The following TTC38 variants were observed in gnomAD, a reference collection of about 807,000 sequenced individuals.
The protein encoded by TTC38 is tetratricopeptide repeat domain 38.
A neutral mutation model predicts 64.2 loss-of-function variants in TTC38; 64 were observed. The ratio of observed to expected loss-of-function variants is 1.00; its 90% CI spans 0.81 to 1.23. The LOEUF is 1.23. TTC38 is among the 50% of genes most tolerant of loss of function. The pLI is 0.00. For missense variants in TTC38, 573 were observed against 615.5 expected (o/e 0.93, Z 0.73); for synonymous variants, 254 against 249.3 (o/e 1.02, Z -0.18).
rs995574451 is a variant in TTC38 at position 46,268,546 on chromosome 22, C to G, written c.66C>G (p.Thr22=). 9 of 1,614,124 alleles carry G rather than the reference C, an allele frequency of 5.6e-6. No individual in the cohort carries two copies. Among genetic ancestry groups the G allele is most frequent in the Middle Eastern group, 1.6e-4 (1 of 6,062 alleles). ...AWKDARLPLS[T]TSNEACKLFD... ...AGGATGCGAGGCTCCCGCTCTCCAC[C>G]ACAAGCAACGAAGCCTGCAAGCTGT... is the stretch of plus-strand genomic sequence containing the variant. The change falls in exon 2 of 14, where the codon ACC becomes ACG. Residue 22 remains threonine (T), a synonymous_variant. Coordinates refer to ENST00000381031, the MANE Select transcript of TTC38 (RefSeq NM_017931.4).
intron 13 of TTC38, among the ~76,000 whole-genome samples, chr22:46,290,720 G>A (rs2077609655): frequency 6.6e-6 from 1 of 152,130 alleles, no homozygotes; most frequent in Non-Finnish European, 1.5e-5. Context: ...TGGCATAGCT[G>A]GCAGATGAGA....
chr22:46,283,606 C>A (rs2077550070), intron 7 of TTC38, among the ~76,000 whole-genome samples: 1 of 152,074 alleles, frequency 6.6e-6, no homozygotes, highest in South Asian at 2.1e-4. Context: ...AATCCCAGCA[C>A]TTTGGGAGGC....
rs1274184451 is a variant in TTC38 at position 46,270,694 on chromosome 22, G to A, written c.112-1641G>A. The stretch of plus-strand genomic sequence containing the variant: ...CTAAAAATATAAAAAAATTAGCCGG[G>A]CATGGTGGCATGGGCCTGTAATCCC... On this transcript the variant is annotated intron_variant, in intron 2 of 13. Coordinates refer to ENST00000381031, the MANE Select transcript of TTC38 (RefSeq NM_017931.4). This position sits in a 1 kb window ranked among gnomAD's most constrained non-coding sequence, Gnocchi z 4.7. 1.3e-5 allele frequency among the ~76,000 whole-genome samples: 2 copies of A among 152,134 alleles called. No homozygotes were observed. Among genetic ancestry groups the A allele is most frequent in the African/African-American group, 2.4e-5 (1 of 41,416 alleles).
At chr22:46,286,347 G>A (rs868785686) in intron 9 of TTC38, among the ~76,000 whole-genome samples, 1 of 152,014 alleles carries the variant, frequency 6.6e-6, no homozygotes, top group Non-Finnish European at 1.5e-5. Context: ...CTTTCTACAC[G>A]GTCAGGAAGC....
chr22:46,268,101 C>T (rs1235881349), intron 1 of TTC38, 29 bp downstream of exon 1: 1 of 1,531,600 alleles, frequency 6.5e-7, no homozygotes. Context: ...CAACCAGGTC[C>T]CCCTCGGGCC....
rs1024423920 is a variant in TTC38 at position 46,273,256 on chromosome 22, C to T, written c.194-642C>T. Among the ~76,000 whole-genome samples, 5 of 152,148 alleles carry T rather than the reference C, an allele frequency of 3.3e-5. No individual in the cohort carries two copies. Among genetic ancestry groups the T allele is most frequent in the African/African-American group, 4.8e-5 (2 of 41,436 alleles). On this transcript the variant is annotated intron_variant, in intron 3 of 13. Coordinates refer to ENST00000381031, the MANE Select transcript of TTC38 (RefSeq NM_017931.4). The surrounding 1 kb of genome is among the most constrained non-coding windows in gnomAD (Gnocchi z 5.1). ...GCTGGGCTGGGCTGGGCTCGACCAT[C>T]GGAATCACCAGCTGTTTTCCAGGGT...
rs184863393 is a variant in TTC38 at position 46,285,975 on chromosome 22, A to G, written c.834+696A>G. ...GGTTACAGTGAGCCAAGATCACGCT[A>G]CTGCACTCCAGCCTGGGTGACAGAG... On this transcript the variant is annotated intron_variant, in intron 9 of 13. Transcript: ENST00000381031. Among the ~76,000 whole-genome samples the G allele has an allele frequency of 5.1e-3, 722 of 141,712 alleles. 7 individuals are homozygous for G. Among genetic ancestry groups the G allele is most frequent in the South Asian group, 5.4e-3 (25 of 4,636 alleles). The allele number at this position is 141,712 out of a possible 152,430, so 93.0% of individuals were successfully genotyped here.
chr22:46,291,061 G>A lies in TTC38; in HGVS notation c.1316+1162G>A, dbSNP rs934502053. On this transcript the variant is annotated intron_variant, in intron 13 of 13. Coordinates refer to ENST00000381031, the MANE Select transcript of TTC38 (RefSeq NM_017931.4). The surrounding 1 kb of genome is among the most constrained non-coding windows in gnomAD (Gnocchi z 4.6). ...ACCAGCGCAGCTCCCTCCAGGCAGG[G>A]TTACCCAAACTGAGCTGTACAGGTT... 6.6e-6 allele frequency among the ~76,000 whole-genome samples: 1 copy of A among 152,184 alleles called. No homozygotes were observed. Among genetic ancestry groups the A allele is most frequent in the Non-Finnish European group, 1.5e-5 (1 of 68,032 alleles).
At chr22:46,283,857 A>G (rs2077552142) in intron 7 of TTC38, 116 bp from the exon 8 acceptor site, 1 of 512,356 alleles carries the variant, frequency 2.0e-6, no homozygotes, top group African/African-American at 2.1e-5. Context: ...GTCTCAAAAA[A>G]AAAAAAAAAA....
rs956416217 is a variant in TTC38 at position 46,293,651 on chromosome 22, A to G, written c.*767A>G. The G allele has an allele frequency of 2.6e-5, 4 of 152,164 alleles. No individual in the cohort carries two copies. The allele number at this position is 152,164 out of a possible 1,614,324, so 9.4% of individuals were successfully genotyped here. A position where few individuals can be genotyped will look rare whatever the true frequency, so the allele number is the denominator to read the frequency against. On this transcript the variant is annotated 3_prime_UTR_variant, in exon 14 of 14. Coordinates refer to ENST00000381031, the MANE Select transcript of TTC38 (RefSeq NM_017931.4). The surrounding 1 kb of genome is among the most constrained non-coding windows in gnomAD (Gnocchi z 6.6). ...ATCATAAATGCACTTCTGAGGTGCA[A>G]GGATTGAGCTCAGAGCTGCTCTGTT...
At chr22:46,287,934 G>A (rs981499403) in intron 10 of TTC38, among the ~76,000 whole-genome samples, 3 of 152,216 alleles carry the variant, frequency 2.0e-5, no homozygotes, top group Admixed American at 6.5e-5. Context: ...AGCCTGCTGC[G>A]GGACAAGGGG....
chr22:46,274,049 A>G lies in TTC38; in HGVS notation c.345A>G (p.Ala115=), dbSNP rs148160279. The G allele has an allele frequency of 8.6e-4, 1,360 of 1,586,290 alleles. No individual in the cohort carries two copies. The highest frequency in any genetic ancestry group is 1.1e-3 in the Non-Finnish European group (1,239 of 1,161,822). Residue 115 remains alanine, a synonymous_variant, in exon 4 of 14, where the codon GCA becomes GCG. Transcript: ENST00000381031. The surrounding 1 kb of genome is among the most constrained non-coding windows in gnomAD (Gnocchi z 4.8). ...LTRREQLHVS[A]VETFANGNFP... Reference sequence around the variant, plus strand: ...GGCGGGAGCAGCTGCACGTGTCTGCAGTAGAGACATTTGCCAATGGGTGAG... The same window carrying G: ...GGCGGGAGCAGCTGCACGTGTCTGCGGTAGAGACATTTGCCAATGGGTGAG...
chr22:46,293,282 C>A lies in TTC38; in HGVS notation c.*398C>A. On this transcript the variant is annotated 3_prime_UTR_variant, in exon 14 of 14. Transcript: ENST00000381031. This position sits in a 1 kb window ranked among gnomAD's most constrained non-coding sequence, Gnocchi z 6.6. ...CCCCCACTGCCTGTCCCCGTCCCCA[C>A]CAGGCTGCCCTTGGGATGGACCTTT... 1 of 211,806 alleles carries A rather than the reference C, an allele frequency of 4.7e-6. No homozygotes were observed. Among genetic ancestry groups the A allele is most frequent in the Non-Finnish European group, 9.8e-6 (1 of 101,984 alleles). 13.1% of individuals were successfully genotyped at this position (211,806 alleles called of 1,614,324 possible). A position where few individuals can be genotyped will look rare whatever the true frequency, so the allele number is the denominator to read the frequency against.
intron 2 of TTC38, chr22:46,268,844 T>C (rs9615904): frequency 0.33 from 141,089 of 432,218 alleles, 31,736 homozygotes; most frequent in African/African-American, 0.84. Context: ...GCCACTGCCC[T>C]CGACTAATTT....
Position 46,275,250 on chromosome 22 carries a change from A to G in TTC38, c.368A>G (p.Asn123Ser), listed in dbSNP as rs753030951. ...GAGAAATCTTTCTCGGTTTCCAGGAACTTTCCGAAAGCCTGTGAACTATGG... is the reference window on the plus strand; with the variant it reads ...GAGAAATCTTTCTCGGTTTCCAGGAGCTTTCCGAAAGCCTGTGAACTATGG... ...VSAVETFANG[N>S]FPKACELWEQ... The change falls in exon 5 of 14, where the codon AAC (asparagine) becomes AGC (serine). Residue 123 changes from asparagine (N) to serine (S), a missense_variant and splice_region_variant. This residue lies in a region of TTC38 where 68 missense variants were observed against 107.3 expected (regional missense o/e 0.63). Transcript: ENST00000381031. This position sits in a 1 kb window ranked among gnomAD's most constrained non-coding sequence, Gnocchi z 4.5. 10 of 1,612,686 alleles carry G rather than the reference A, an allele frequency of 6.2e-6. No individual in the cohort carries two copies. In the African/African-American group the frequency reaches 9.4e-5, roughly 15 times the overall value.
chr22:46,290,623 GGC>G (rs2077608517), intron 13 of TTC38, among the ~76,000 whole-genome samples: 1 of 149,762 alleles, frequency 6.7e-6, no homozygotes, highest in African/African-American at 2.5e-5. Context: ...TTAGGAGGGT[GGC>G]GTGGCTGGAA....
chr22:46,292,972 C>A lies in TTC38; in HGVS notation c.*88C>A. 1 of 1,007,312 alleles carries A rather than the reference C, an allele frequency of 9.9e-7. No individual in the cohort carries two copies. Among genetic ancestry groups the A allele is most frequent in the African/African-American group, 1.6e-5 (1 of 63,398 alleles). 62.4% of individuals were successfully genotyped at this position (1,007,312 alleles called of 1,614,324 possible). ...GCTCCACCGGGTTAGGGTCAGGAGA[C>A]GGCCAGAGCCTGTTTGTTAGGGCTG... On this transcript the variant is annotated 3_prime_UTR_variant, in exon 14 of 14. Coordinates refer to ENST00000381031, the MANE Select transcript of TTC38 (RefSeq NM_017931.4). The surrounding 1 kb of genome is among the most constrained non-coding windows in gnomAD (Gnocchi z 6.5).
Position 46,271,588 on chromosome 22 carries a change from C to T in TTC38, c.112-747C>T, listed in dbSNP as rs1169900165. 6.6e-6 allele frequency among the ~76,000 whole-genome samples: 1 copy of T among 152,130 alleles called. No individual in the cohort carries two copies. Among genetic ancestry groups the T allele is most frequent in the Non-Finnish European group, 1.5e-5 (1 of 68,006 alleles). ...TCAGCTCACTGCAACCTCTACCTCCCAGGTTCAGGCGATTCTCCTGTCTCA... is the reference window on the plus strand; with the variant it reads ...TCAGCTCACTGCAACCTCTACCTCCTAGGTTCAGGCGATTCTCCTGTCTCA... On this transcript the variant is annotated intron_variant, in intron 2 of 13. Coordinates refer to ENST00000381031, the MANE Select transcript of TTC38 (RefSeq NM_017931.4). This position sits in a 1 kb window ranked among gnomAD's most constrained non-coding sequence, Gnocchi z 5.5.
At chr22:46,278,691 C>G in intron 6 of TTC38, 30 bp downstream of exon 6, 1 of 1,580,218 alleles carries the variant, frequency 6.3e-7, no homozygotes. Flanking sequence ...GGTGCCTGAC[C>G]CCTCAGGGAG....
Sources: gnomAD v4.1 joint callset for allele counts (sites outside exome capture counted in the v4.1 genomes callset) on GRCh38, gnomAD v4.1.1 for gene constraint, gnomAD v4.1.1 regional missense constraint, Gnocchi (gnomAD v3.1) non-coding constraint, MANE v1.5 for transcripts, NCBI Gene and HGNC (gene_info 2026-07-23, HGNC 2026-07-21) for gene names.